The following RUNX3 variants were observed in gnomAD, a reference collection of about 807,000 sequenced individuals.
The protein encoded by RUNX3 is runt-related transcription factor 3.
Under a neutral mutation model 27.7 loss-of-function variants are expected in RUNX3, and 10 were observed. The observed-to-expected ratio is 0.36, with a 90% confidence interval of 0.22 to 0.61. The LOEUF is 0.61. Ranked by LOEUF, RUNX3 falls within the 20% of genes least tolerant of loss-of-function variation. RUNX3 has a pLI of 0.72. For missense variants in RUNX3, 469 were observed against 629.5 expected (o/e 0.75, Z 2.73); for synonymous variants, 270 against 269.2 (o/e 1.00, Z -0.03).
intron 2 of RUNX3, among the ~76,000 whole-genome samples, chr1:24,959,420 C>A (rs1465019804): frequency 2.0e-5 from 3 of 152,208 alleles, no homozygotes; most frequent in African/African-American, 7.2e-5. Flanking sequence ...AAGCCGCCAT[C>A]AAAGGGACCT....
Position 24,929,667 on chromosome 1 carries a change from G to T in RUNX3, c.202C>A (p.Arg68Ser), listed in dbSNP as rs781199590. ...VLADHAGELV[R>S]TDSPNFLCSV... ...CAGAGGAAGTTGGGGCTGTCGGTGC[G>T]CACGAGCTCGCCTGCGTGGTCCGCC... is the stretch of plus-strand genomic sequence containing the variant. Residue 68 changes from arginine to serine, a missense_variant, in exon 1 of 5, where the codon CGC (arginine) becomes AGC (serine). Physicochemically the swap from Arg to Ser is moderately radical, Grantham distance 110. This residue lies in a region of RUNX3 where 115 missense variants were observed against 118.0 expected (regional missense o/e 0.97). Coordinates refer to ENST00000308873, the MANE Select transcript of RUNX3 (RefSeq NM_004350.3). 2.5e-6 allele frequency: 4 copies of T among 1,598,956 alleles called. No homozygotes were observed. The highest frequency in any genetic ancestry group is 2.3e-5 in the East Asian group (1 of 43,630).
chr1:24,906,593 C>T (rs574595245), intron 4 of RUNX3, among the ~76,000 whole-genome samples: 121 of 152,264 alleles, frequency 7.9e-4, no homozygotes, highest in African/African-American at 2.8e-3. Flanking sequence ...GAAGACCTGC[C>T]TGAGGCCTGG....
intron 2 of RUNX3, among the ~76,000 whole-genome samples, chr1:24,920,949 G>C (rs138475914): frequency 6.6e-6 from 1 of 152,194 alleles, no homozygotes; most frequent in East Asian, 1.9e-4. Context: ...GGCCGGGAGC[G>C]GGGGAGATTT....
chr1:24,952,625 G>A (rs10127543), intron 2 of RUNX3, among the ~76,000 whole-genome samples: 1 of 151,996 alleles, frequency 6.6e-6, no homozygotes, highest in Non-Finnish European at 1.5e-5. Flanking sequence ...GGGATGAGTG[G>A]CTCCACCTCT....
At chr1:24,914,380 C>T (rs999250799) in intron 3 of RUNX3, among the ~76,000 whole-genome samples, 6 of 152,200 alleles carry the variant, frequency 3.9e-5, no homozygotes, top group South Asian at 2.1e-4. Flanking sequence ...GCGCCGGGCC[C>T]GAGGCCGGCT....
chr1:24,925,803 G>A (rs1161328286), intron 2 of RUNX3, among the ~76,000 whole-genome samples: 6 of 152,002 alleles, frequency 3.9e-5, no homozygotes, highest in Non-Finnish European at 8.8e-5. Context: ...TCAGCCTCTT[G>A]CATCTCCCAG....
At chr1:24,957,958 G>C (rs1641989463) in intron 2 of RUNX3, among the ~76,000 whole-genome samples, 1 of 152,218 alleles carries the variant, frequency 6.6e-6, no homozygotes, top group South Asian at 2.1e-4. Flanking sequence ...TTGACAAGGG[G>C]TCTGACAGTC....
intron 4 of RUNX3, among the ~76,000 whole-genome samples, chr1:24,906,200 C>T (rs1471072313): frequency 6.6e-6 from 1 of 152,208 alleles, no homozygotes; most frequent in Non-Finnish European, 1.5e-5. Flanking sequence ...CAGCCCTGTT[C>T]CAGGCCCCTT....
rs1314969454 is a variant in RUNX3 at position 24,962,846 on chromosome 1, C to T, written c.58+1668G>A. On this transcript the variant is annotated intron_variant, in intron 2 of 6. Transcript: ENST00000338888. This position sits in a 1 kb window ranked among gnomAD's most constrained non-coding sequence, Gnocchi z 4.5. The stretch of plus-strand genomic sequence containing the variant: ...AGGACCCAGCCCAGGCCGACCGGGG[C>T]TCTAGCCCTGTCTCCCAAGGTTCCT... The T allele has an allele frequency of 6.6e-6, 1 of 152,262 alleles. No individual in the cohort carries two copies. The highest frequency in any genetic ancestry group is 1.5e-5 in the Non-Finnish European group (1 of 68,066). The allele number at this position is 152,262 out of a possible 1,614,324, so 9.4% of individuals were successfully genotyped here.
intron 3 of RUNX3, among the ~76,000 whole-genome samples, chr1:24,913,393 C>G (rs1168786751): frequency 6.6e-6 from 1 of 152,266 alleles, no homozygotes; most frequent in Non-Finnish European, 1.5e-5. Flanking sequence ...CTGTCTTGGG[C>G]AAGCCACTCT....
intron 4 of RUNX3, among the ~76,000 whole-genome samples, chr1:24,903,704 G>T (rs1352611718): frequency 6.6e-6 from 1 of 152,130 alleles, no homozygotes; most frequent in Admixed American, 6.5e-5. Flanking sequence ...CAATCCTAGG[G>T]CCTCTGGTCC....
rs1640500074 is a variant in RUNX3, at chr1:24,899,779, A to G, written c.*2343T>C. ...TGGTACCCACTACTGACAGGCTCAC[A>G]GTAACACTATATCAAAACGTCTTCC... On this transcript the variant is annotated 3_prime_UTR_variant, in exon 5 of 5. Coordinates refer to ENST00000308873, the MANE Select transcript of RUNX3 (RefSeq NM_004350.3). The G allele has an allele frequency of 6.6e-6, 1 of 152,596 alleles. No individual in the cohort carries two copies. Among genetic ancestry groups the G allele is most frequent in the African/African-American group, 2.4e-5 (1 of 41,462 alleles). 9.5% of individuals were successfully genotyped at this position (152,596 alleles called of 1,614,324 possible).
intron 2 of RUNX3, among the ~76,000 whole-genome samples, chr1:24,951,904 A>G (rs551083524): frequency 3.3e-4 from 50 of 152,244 alleles, no homozygotes; most frequent in Admixed American, 2.4e-3. Context: ...TGGGAGGCAG[A>G]GACTTTAGTG....
At chr1:24,936,813 C>T (rs1235969826) in intron 2 of RUNX3, among the ~76,000 whole-genome samples, 1 of 152,218 alleles carries the variant, frequency 6.6e-6, no homozygotes, top group African/African-American at 2.4e-5. Context: ...AGGCCGATGG[C>T]TCGGAGGAGA....
intron 1 of RUNX3, chr1:24,964,770 A>G (rs1022074551): frequency 3.0e-5 from 40 of 1,354,016 alleles, no homozygotes; most frequent in Admixed American, 5.6e-5. Context: ...AAAGGAAAGA[A>G]CGCGAGAGTG....
At chr1:24,947,054 C>T (rs912344385) in intron 2 of RUNX3, among the ~76,000 whole-genome samples, 2 of 152,050 alleles carry the variant, frequency 1.3e-5, no homozygotes, top group East Asian at 3.9e-4. Flanking sequence ...ATAATTAACC[C>T]ACGGAGCTCA....
At chr1:24,938,369 C>T (rs1641396532) in intron 2 of RUNX3, among the ~76,000 whole-genome samples, 1 of 152,174 alleles carries the variant, frequency 6.6e-6, no homozygotes, top group Non-Finnish European at 1.5e-5. Context: ...AACCGAGGCC[C>T]AGGAAGGATC....
chr1:24,952,452 A>G (rs2124366062), intron 2 of RUNX3, among the ~76,000 whole-genome samples: 1 of 152,354 alleles, frequency 6.6e-6, no homozygotes, highest in Middle Eastern at 3.4e-3. Flanking sequence ...ACCATTGAAC[A>G]TTGTTTGAAA....
At chr1:24,931,820 A>C (rs1393096410), upstream of RUNX3, among the ~76,000 whole-genome samples, 1 of 152,038 alleles carries the variant, frequency 6.6e-6, no homozygotes, top group Non-Finnish European at 1.5e-5. Context: ...GCACGCCCTC[A>C]GGCCGTGTCG....
Sources: allele counts gnomAD v4.1 joint callset (sites outside exome capture counted in the v4.1 genomes callset), GRCh38; gene constraint gnomAD v4.1.1; regional missense constraint gnomAD v4.1.1; non-coding constraint Gnocchi (gnomAD v3.1); transcripts MANE v1.5; gene names NCBI Gene and HGNC (gene_info 2026-07-23, HGNC 2026-07-21).